The following ADAM28 variants were observed in gnomAD, a reference collection of about 807,000 sequenced individuals.
ADAM28 encodes ADAM metallopeptidase domain 28, also known as disintegrin and metalloproteinase domain-containing protein 28.
A neutral mutation model predicts 101.2 loss-of-function variants in ADAM28; 105 were observed. The ratio of observed to expected loss-of-function variants is 1.04; its 90% CI spans 0.89 to 1.22. The LOEUF (loss-of-function observed/expected upper bound fraction) is 1.22. Ranked by LOEUF, ADAM28 falls within the 50% of genes most tolerant of loss-of-function variation. The probability of loss-of-function intolerance (pLI) is 0.00; values close to 1 mark genes in which losing one functional copy is unlikely to be tolerated. For synonymous variants in ADAM28, 322 were observed against 310.6 expected (o/e 1.04, Z -0.39); for missense variants, 1,028 against 945.4 (o/e 1.09, Z -1.15).
chr8:24,326,792 A>T (rs1812679640), intron 10 of ADAM28, among the ~76,000 whole-genome samples, 157 bp downstream of exon 10: 1 of 152,122 alleles, frequency 6.6e-6, no homozygotes, highest in South Asian at 2.1e-4. Flanking sequence ...TTTGCATTCC[A>T]GTGTAAACTC....
intron 2 of ADAM28, 55 bp downstream of exon 2, chr8:24,300,132 T>C (rs1808519071): frequency 1.5e-6 from 2 of 1,329,954 alleles, no homozygotes; most frequent in East Asian, 2.3e-5. Flanking sequence ...TATACACACA[T>C]ATATATATCT....
chr8:24,318,256 G>A (rs1032373552), intron 6 of ADAM28, among the ~76,000 whole-genome samples: 3 of 151,878 alleles, frequency 2.0e-5, no homozygotes, highest in Admixed American at 1.3e-4. Context: ...CCATTCCTTG[G>A]TAACTACGTG....
intron 9 of ADAM28, among the ~76,000 whole-genome samples, chr8:24,325,662 G>C (rs1165689164): frequency 1.3e-5 from 2 of 151,270 alleles, no homozygotes; most frequent in East Asian, 3.9e-4. Context: ...AGATTAAATA[G>C]ATAAAATCTG....
At chr8:24,335,967 AC>A in intron 14 of ADAM28, 1 of 1,067,998 alleles carries the variant, frequency 9.4e-7, no homozygotes, top group East Asian at 6.3e-5. Context: ...TTCAAATTAA[AC>A]TGGGTGTCTT....
At chr8:24,344,536 G>T (rs544137277) in intron 18 of ADAM28, among the ~76,000 whole-genome samples, 1 of 152,188 alleles carries the variant, frequency 6.6e-6, no homozygotes, top group South Asian at 2.1e-4. Context: ...TTTCAAGAGA[G>T]AACATTTATT....
chr8:24,298,243 A>T (rs1043959360), intron 1 of ADAM28, among the ~76,000 whole-genome samples: 1 of 151,540 alleles, frequency 6.6e-6, no homozygotes, highest in Non-Finnish European at 1.5e-5. Flanking sequence ...GTAATTTTGA[A>T]TTTTTTTTTA....
chr8:24,313,728 A>AT, intron 6 of ADAM28, 148 bp downstream of exon 6: 1 of 781,388 alleles, frequency 1.3e-6, no homozygotes, highest in Non-Finnish European at 2.0e-6. Context: ...GACATTAATG[A>AT]TTCATTTAAC....
chr8:24,354,151 C>A (rs975958267), intron 22 of ADAM28, among the ~76,000 whole-genome samples: 1 of 152,052 alleles, frequency 6.6e-6, no homozygotes, highest in Non-Finnish European at 1.5e-5. Flanking sequence ...TGGTCCCCTA[C>A]CTTCTCCATA....
intron 18 of ADAM28, among the ~76,000 whole-genome samples, chr8:24,344,293 A>G (rs973474774): frequency 9.9e-5 from 15 of 152,162 alleles, no homozygotes; most frequent in African/African-American, 3.6e-4. Context: ...TTCTCCTGAG[A>G]GAGCTGCTTT....
chr8:24,326,132 C>G (rs1563297534), intron 9 of ADAM28, among the ~76,000 whole-genome samples: 1 of 151,644 alleles, frequency 6.6e-6, no homozygotes, highest in East Asian at 1.9e-4. Context: ...CCTACTGTAG[C>G]TAAAACAATG....
chr8:24,351,746 A>G (rs376694798), intron 20 of ADAM28, among the ~76,000 whole-genome samples: 1 of 25,552 alleles, frequency 3.9e-5, no homozygotes, highest in East Asian at 1.1e-3. Flanking sequence ...GAAGTTGGTT[A>G]ATAACATTGG....
chr8:24,339,885 C>T (rs1192683445), intron 15 of ADAM28, among the ~76,000 whole-genome samples: 1 of 152,112 alleles, frequency 6.6e-6, no homozygotes, highest in African/African-American at 2.4e-5. Context: ...GAAATTTGTC[C>T]AGGGATTTCC....
At chr8:24,304,469 G>A (rs1052819177) in intron 2 of ADAM28, among the ~76,000 whole-genome samples, 14 of 151,978 alleles carry the variant, frequency 9.2e-5, no homozygotes, top group African/African-American at 2.9e-4. Flanking sequence ...TAAACCTTAC[G>A]TTTCTTGTCT....
intron 1 of ADAM28, among the ~76,000 whole-genome samples, chr8:24,295,226 CTGTGTATTTTTGCTTT>C (rs1807801113): frequency 6.6e-6 from 1 of 152,018 alleles, no homozygotes; most frequent in African/African-American, 2.4e-5. Context: ...CCTTTTGTTT[CTGTGTATTTTTGCTTT>C]ATATAATATG....
At position 24,317,714 on chromosome 8, in the gene ADAM28, A is replaced by C. The variant is rs1333955747; in HGVS notation, c.577-2522A>C. On this transcript the variant is annotated intron_variant, in intron 6 of 22. Coordinates refer to ENST00000265769, the MANE Select transcript of ADAM28 (RefSeq NM_014265.6). ...TCAAACGAAAAAGCTTCTGCACAGC[A>C]AAGCAAACAAACAAAATGAAAAGGA... Among the ~76,000 whole-genome samples the C allele has an allele frequency of 2.6e-5, 4 of 152,056 alleles. No homozygotes were observed. In the South Asian group the frequency reaches 8.3e-4, roughly 31 times the overall value.
chr8:24,331,022 C>T lies in ADAM28; in HGVS notation c.1104-128C>T. On this transcript the variant is annotated intron_variant, in intron 11 of 22. Coordinates refer to ENST00000265769, the MANE Select transcript of ADAM28 (RefSeq NM_014265.6). ...GCATGCAAATGAGCTCACGATCTGG[C>T]AGTTGGTCAGTGGATTGGATTTTGT... The T allele has an allele frequency of 3.6e-6, 3 of 839,646 alleles. No homozygotes were observed. In the East Asian group the frequency reaches 8.2e-5, roughly 23 times the overall value. 52.0% of individuals were successfully genotyped at this position (839,646 alleles called of 1,614,324 possible).
chr8:24,294,930 C>T (rs189038611), intron 1 of ADAM28, among the ~76,000 whole-genome samples: 1 of 152,258 alleles, frequency 6.6e-6, no homozygotes, highest in Admixed American at 6.5e-5. Flanking sequence ...GATTCTTCAG[C>T]TTCTATTTCC....
chr8:24,316,048 A>G (rs1191358390), intron 6 of ADAM28, among the ~76,000 whole-genome samples: 1 of 151,354 alleles, frequency 6.6e-6, no homozygotes, highest in African/African-American at 2.4e-5. Flanking sequence ...AAGTTCCTCA[A>G]CATCATAAAG....
chr8:24,332,005 A>G (rs911151708), intron 12 of ADAM28, among the ~76,000 whole-genome samples: 1 of 152,168 alleles, frequency 6.6e-6, no homozygotes, highest in Non-Finnish European at 1.5e-5. Context: ...TATTTGCTCT[A>G]TGAGAAAAAG....
Sources: gnomAD v4.1 joint callset for allele counts (sites outside exome capture counted in the v4.1 genomes callset) on GRCh38, gnomAD v4.1.1 for gene constraint, MANE v1.5 for transcripts, NCBI Gene and HGNC (gene_info 2026-07-23, HGNC 2026-07-21) for gene names.